LRMDA: variants seen among roughly 807,000 people sequenced by gnomAD.
The protein encoded by LRMDA is leucine rich melanocyte differentiation associated, also known as leucine-rich melanocyte differentiation-associated protein.
A neutral mutation model predicts 29.8 loss-of-function variants in LRMDA; 18 were observed. The observed-to-expected ratio is 0.60, with a 90% CI of 0.42 to 0.90. The LOEUF (loss-of-function observed/expected upper bound fraction) is 0.90. Ranked by LOEUF, LRMDA falls within the 40% of genes least tolerant of loss-of-function variation. The pLI, the probability that LRMDA is intolerant of heterozygous loss-of-function variation, is 0.00. For missense variants in LRMDA, 273 were observed against 273.9 expected (o/e 1.00, Z 0.02); for synonymous variants, 125 against 109.4 (o/e 1.14, Z -0.89).
intron 2 of LRMDA, among the ~76,000 whole-genome samples, chr10:75,748,528 C>T (rs1030424965): frequency 4.9e-4 from 74 of 152,018 alleles, no homozygotes; most frequent in Admixed American, 2.3e-3. Flanking sequence ...GAAATTTCTA[C>T]GTATTAAAAA....
At chr10:75,838,015 T>C (rs1196417758) in intron 2 of LRMDA, among the ~76,000 whole-genome samples, 1 of 152,174 alleles carries the variant, frequency 6.6e-6, no homozygotes, top group African/African-American at 2.4e-5. Context: ...GTATTTTCAA[T>C]TCAGTAAATG....
chr10:75,945,560 T>G (rs1376136939), intron 2 of LRMDA, among the ~76,000 whole-genome samples: 2 of 152,222 alleles, frequency 1.3e-5, no homozygotes, highest in African/African-American at 4.8e-5. Context: ...TTGGTTTCTT[T>G]CCGGTACCCA....
intron 2 of LRMDA, among the ~76,000 whole-genome samples, chr10:75,698,660 C>A: frequency 6.9e-6 from 1 of 144,166 alleles, no homozygotes. Context: ...GACACCTTCA[C>A]CTCTTTTTTT....
intron 6 of LRMDA, among the ~76,000 whole-genome samples, chr10:76,432,272 A>G (rs1842198597): frequency 1.3e-5 from 2 of 152,158 alleles, no homozygotes; most frequent in Admixed American, 1.3e-4. Context: ...CTGTCTTGCC[A>G]TAGATCTCCA....
chr10:75,548,118 A>G (rs1234607768), intron 2 of LRMDA, among the ~76,000 whole-genome samples: 1 of 151,970 alleles, frequency 6.6e-6, no homozygotes, highest in African/African-American at 2.4e-5. Context: ...AAAAAACACA[A>G]CACTCCAGGG....
intron 2 of LRMDA, among the ~76,000 whole-genome samples, chr10:75,565,920 T>A (rs1033196928): frequency 3.9e-5 from 6 of 152,026 alleles, no homozygotes; most frequent in African/African-American, 1.2e-4. Context: ...ATAAAAAATT[T>A]AAAAATTAGC....
intron 2 of LRMDA, among the ~76,000 whole-genome samples, chr10:75,858,796 C>T (rs966936786): frequency 5.3e-5 from 8 of 152,184 alleles, no homozygotes; most frequent in Admixed American, 5.2e-4. Flanking sequence ...CAGGTATTCT[C>T]CATACTAACT....
chr10:75,692,219 A>AATATATATATATAT (rs57600678), intron 2 of LRMDA, among the ~76,000 whole-genome samples: 24 of 87,562 alleles, frequency 2.7e-4, no homozygotes, highest in African/African-American at 1.3e-3. Flanking sequence ...AAAAAAAAAA[A>AATATATATATATAT]ATATATATAT....
chr10:75,730,035 A>T (rs1589175000), intron 2 of LRMDA, among the ~76,000 whole-genome samples: 1 of 151,530 alleles, frequency 6.6e-6, no homozygotes, highest in African/African-American at 2.4e-5. Context: ...CCCAACCCCC[A>T]CCTCCCCGCC....
At chr10:76,010,653 C>T (rs1847763678) in intron 2 of LRMDA, among the ~76,000 whole-genome samples, 1 of 152,212 alleles carries the variant, frequency 6.6e-6, no homozygotes, top group African/African-American at 2.4e-5. Context: ...CATTCCAGGA[C>T]ATTCTCTGCA....
chr10:76,543,235 G>A (rs897249936), intron 6 of LRMDA, among the ~76,000 whole-genome samples: 3 of 151,996 alleles, frequency 2.0e-5, no homozygotes, highest in Admixed American at 2.0e-4. Context: ...ATGGCACTCA[G>A]GAGCTTTTAT....
At chr10:75,943,649 A>G (rs1846431061) in intron 2 of LRMDA, among the ~76,000 whole-genome samples, 1 of 152,208 alleles carries the variant, frequency 6.6e-6, no homozygotes, top group Non-Finnish European at 1.5e-5. Context: ...AGATATTGAC[A>G]TATTAATCCA....
At chr10:75,913,924 G>T (rs966759933) in intron 2 of LRMDA, among the ~76,000 whole-genome samples, 2 of 152,208 alleles carry the variant, frequency 1.3e-5, no homozygotes, top group Non-Finnish European at 2.9e-5. Context: ...CAAAAGGCTT[G>T]CCCCGCCGTG....
At chr10:75,906,073 C>T (rs1359681427) in intron 2 of LRMDA, among the ~76,000 whole-genome samples, 1 of 151,488 alleles carries the variant, frequency 6.6e-6, no homozygotes, top group Non-Finnish European at 1.5e-5. Context: ...CCAGCTCCAC[C>T]CCTGCCACAG....
At chr10:75,812,739 G>C (rs905191328) in intron 2 of LRMDA, among the ~76,000 whole-genome samples, 5 of 152,086 alleles carry the variant, frequency 3.3e-5, no homozygotes, top group Non-Finnish European at 5.9e-5. Flanking sequence ...TGTGTAGTCT[G>C]TGTTTCCTGG....
intron 6 of LRMDA, among the ~76,000 whole-genome samples, chr10:76,410,735 C>G (rs2132507938): frequency 6.6e-6 from 1 of 152,210 alleles, no homozygotes. Context: ...GGGTGGATCA[C>G]TTGAAGTCAG....
intron 2 of LRMDA, among the ~76,000 whole-genome samples, chr10:75,760,429 C>T (rs1843081230): frequency 6.6e-6 from 1 of 152,078 alleles, no homozygotes; most frequent in Non-Finnish European, 1.5e-5. Flanking sequence ...CTGGGGAAGA[C>T]CACTATGGAT....
At chr10:76,417,732 A>AT (rs199886677) in intron 6 of LRMDA, among the ~76,000 whole-genome samples, 1,878 of 152,232 alleles carry the variant, frequency 0.012, 28 homozygotes, top group African/African-American at 0.043. Context: ...TATGGTTAGT[A>AT]TTTTTGAAGT....
chr10:76,494,208 A>C (rs1460034450), intron 6 of LRMDA, among the ~76,000 whole-genome samples: 1 of 151,862 alleles, frequency 6.6e-6, no homozygotes, highest in African/African-American at 2.4e-5. Context: ...TTAAACCTCC[A>C]GTCATATGTC....
Sources: gnomAD v4.1 joint callset for allele counts (sites outside exome capture counted in the v4.1 genomes callset) on GRCh38, gnomAD v4.1.1 for gene constraint, MANE v1.5 for transcripts, NCBI Gene and HGNC (gene_info 2026-07-23, HGNC 2026-07-21) for gene names.